The following ITPR2 variants were observed in gnomAD, a reference collection of about 807,000 sequenced individuals.
ITPR2 encodes inositol 1,4,5-trisphosphate-gated calcium channel ITPR2.
ITPR2 carries 207 observed loss-of-function variants against 317.1 expected under a neutral mutation model. The observed-to-expected ratio is 0.65, with a 90% confidence interval of 0.58 to 0.73. ITPR2 has a LOEUF of 0.73. Among genes scored for constraint, ITPR2 ranks in the 30% least tolerant of loss-of-function variants. The pLI, the probability that ITPR2 is intolerant of heterozygous loss-of-function variation, is 0.00. For synonymous variants in ITPR2, 1,156 were observed against 1,149.1 expected (o/e 1.01, Z -0.12); for missense variants, 2,613 against 3,284.0 (o/e 0.80, Z 4.99).
chr12:26,563,618 T>G (rs1458768116), intron 34 of ITPR2, among the ~76,000 whole-genome samples: 2 of 152,028 alleles, frequency 1.3e-5, no homozygotes, highest in Non-Finnish European at 2.9e-5. Flanking sequence ...AGGAAATATA[T>G]TAAATTCTCC....
intron 34 of ITPR2, among the ~76,000 whole-genome samples, chr12:26,567,980 ATATATATATATATATATTATATATATTAT>A (rs1945033481): frequency 1.3e-4 from 1 of 7,596 alleles, no homozygotes; most frequent in African/African-American, 2.9e-4. Context: ...TATATATATT[ATATATATATATATATATTATATATATTAT>A]ATATATATAT....
intron 54 of ITPR2, among the ~76,000 whole-genome samples, chr12:26,394,112 A>G (rs1203547423): frequency 6.6e-6 from 1 of 152,206 alleles, no homozygotes; most frequent in East Asian, 1.9e-4. Flanking sequence ...TTTGATATAC[A>G]TGATCTCATT....
intron 45 of ITPR2, among the ~76,000 whole-genome samples, chr12:26,466,637 T>TC (rs1482839060): frequency 6.6e-6 from 1 of 152,220 alleles, no homozygotes; most frequent in African/African-American, 2.4e-5. Flanking sequence ...TCCAACTACT[T>TC]TCTGGAGTTC....
At chr12:26,372,621 A>G (rs1294197498) in intron 55 of ITPR2, among the ~76,000 whole-genome samples, 1 of 152,128 alleles carries the variant, frequency 6.6e-6, no homozygotes, top group Non-Finnish European at 1.5e-5. Context: ...CTCTTATTTC[A>G]TTTATTCTTG....
At position 26,483,855 on chromosome 12, in the gene ITPR2, A is replaced by G. The variant is rs780802181; in HGVS notation, c.5855T>C (p.Val1952Ala). ...GTCCAGAAACTGAAGGGTCTCACAG[A>G]CTAGGTTGTAATTTGTTTTGTTGTT... Reference protein sequence around the residue: ...NQNNKTNYNLVCETLQFLDCI... With the variant: ...NQNNKTNYNLACETLQFLDCI... Residue 1952 changes from valine (V) to alanine (A), a missense_variant, in exon 42 of 57, where the codon GTC (valine) becomes GCC (alanine). Coordinates refer to ENST00000381340, the MANE Select transcript of ITPR2 (RefSeq NM_002223.4). The G allele has an allele frequency of 1.9e-6, 3 of 1,614,192 alleles. No individual in the cohort carries two copies. The East Asian group carries it at 6.7e-5, about 36-fold the overall frequency.
chr12:26,479,831 C>T (rs1012558039), intron 43 of ITPR2, among the ~76,000 whole-genome samples: 2 of 152,120 alleles, frequency 1.3e-5, no homozygotes, highest in African/African-American at 4.8e-5. Context: ...CCCAGCTTAT[C>T]AGGAGGCAGA....
intron 2 of ITPR2, among the ~76,000 whole-genome samples, chr12:26,734,455 G>GAGC (rs1392777614): frequency 6.6e-6 from 1 of 152,150 alleles, no homozygotes; most frequent in Non-Finnish European, 1.5e-5. Context: ...TACGACAGAA[G>GAGC]AGCACAGTAG....
intron 26 of ITPR2, among the ~76,000 whole-genome samples, chr12:26,609,757 C>A (rs781685358): frequency 6.6e-6 from 1 of 151,904 alleles, no homozygotes. Flanking sequence ...GATAAAATAA[C>A]CAAGTAATTC....
rs542744551 is a variant in ITPR2, at chr12:26,801,889, A to G, written c.93-11662T>C. Among the ~76,000 whole-genome samples, 22 of 142,192 alleles carry G rather than the reference A, an allele frequency of 1.5e-4. No homozygotes were observed. In the South Asian group the frequency reaches 3.5e-3, roughly 23 times the overall value. The allele number at this position is 142,192 out of a possible 152,430, so 93.3% of individuals were successfully genotyped here. Reference sequence around the variant, plus strand: ...TAACAAAATAAAAATACTTCATGTTAAAAAAAAAAAAAGCTAGATTTTGTA... The same window carrying G: ...TAACAAAATAAAAATACTTCATGTTGAAAAAAAAAAAAGCTAGATTTTGTA... On this transcript the variant is annotated intron_variant, in intron 1 of 56. Coordinates refer to ENST00000381340, the MANE Select transcript of ITPR2 (RefSeq NM_002223.4).
chr12:26,655,554 C>T (rs931985074), intron 20 of ITPR2, among the ~76,000 whole-genome samples, 154 bp downstream of exon 20: 110 of 147,620 alleles, frequency 7.5e-4, no homozygotes, highest in African/African-American at 2.7e-3. Flanking sequence ...GCGGAGCTTG[C>T]AGTGAGCCGA....
At position 26,443,646 on chromosome 12, in the gene ITPR2, G is replaced by T; in HGVS notation, c.6347C>A (p.Ala2116Asp). 6.2e-7 allele frequency: 1 copy of T among 1,611,996 alleles called. No individual in the cohort carries two copies. The highest frequency in any genetic ancestry group is 8.5e-7 in the Non-Finnish European group (1 of 1,178,494). The change falls in exon 46 of 57, where the codon GCC becomes GAC. Residue 2116 changes from alanine (A) to aspartate (D), a missense_variant. Physicochemically the swap from Ala to Asp is moderately radical, Grantham distance 126. Transcript: ENST00000381340. Reference sequence around the variant, plus strand: ...CTGCTGCAACAGTTTATTGTGGCGGGCCAACTAGAGTAGGGAAAAAATAAA... The same window carrying T: ...CTGCTGCAACAGTTTATTGTGGCGGTCCAACTAGAGTAGGGAAAAAATAAA... The part of the protein sequence containing the change: ...HNIYILAHQL[A>D]RHNKLLQQML...
chr12:26,472,198 C>G (rs762375395), intron 45 of ITPR2, among the ~76,000 whole-genome samples: 2 of 152,182 alleles, frequency 1.3e-5, no homozygotes, highest in African/African-American at 2.4e-5. Flanking sequence ...CGGACAATTG[C>G]TTAACTCTAC....
chr12:26,646,533 TCTCCTAGGGCAAGGGGTA>T, intron 21 of ITPR2, among the ~76,000 whole-genome samples: 1 of 152,196 alleles, frequency 6.6e-6, no homozygotes, highest in East Asian at 1.9e-4. Flanking sequence ...GTTCCCCAAA[TCTCCTAGGGCAAGGGGTA>T]CTCCTGGACA....
At chr12:26,605,134 T>C (rs1259659826) in intron 26 of ITPR2, among the ~76,000 whole-genome samples, 1 of 143,674 alleles carries the variant, frequency 7.0e-6, no homozygotes, top group Non-Finnish European at 1.5e-5. Context: ...AAAATATATA[T>C]ATATATATGA....
intron 13 of ITPR2, among the ~76,000 whole-genome samples, chr12:26,678,300 A>G (rs770768455): frequency 5.9e-5 from 9 of 152,182 alleles, no homozygotes; most frequent in Non-Finnish European, 1.5e-5. Context: ...TATGTAGAAT[A>G]AGATTAGAAA....
At chr12:26,567,200 A>G (rs1945004190) in intron 34 of ITPR2, among the ~76,000 whole-genome samples, 1 of 152,202 alleles carries the variant, frequency 6.6e-6, no homozygotes, top group Non-Finnish European at 1.5e-5. Context: ...GAAGTGCTCA[A>G]TGAATATTTT....
chr12:26,757,537 A>C (rs1169153268), intron 2 of ITPR2, among the ~76,000 whole-genome samples: 1 of 152,072 alleles, frequency 6.6e-6, no homozygotes. Context: ...ATTTCTTAAT[A>C]AATTTGCTTT....
chr12:26,481,985 C>T (rs768623376), intron 42 of ITPR2, among the ~76,000 whole-genome samples: 7 of 152,194 alleles, frequency 4.6e-5, no homozygotes, highest in Middle Eastern at 3.4e-3. Flanking sequence ...CAGGAACTTG[C>T]GAGCCAGATT....
chr12:26,480,885 A>C (rs1218179305), intron 43 of ITPR2, among the ~76,000 whole-genome samples: 1 of 152,132 alleles, frequency 6.6e-6, no homozygotes. Flanking sequence ...TAAAAATAAA[A>C]ACAAAAGGGA....
Sources: gnomAD v4.1 joint callset for allele counts (sites outside exome capture counted in the v4.1 genomes callset) on GRCh38, gnomAD v4.1.1 for gene constraint, MANE v1.5 for transcripts, NCBI Gene and HGNC (gene_info 2026-07-23, HGNC 2026-07-21) for gene names.